The following SCYL2 variants were observed in gnomAD, a reference collection of about 807,000 sequenced individuals.
The protein encoded by SCYL2 is SCY1-like protein 2.
In SCYL2, 36 loss-of-function variants were observed where a neutral mutation model predicts 100.4. The ratio of observed to expected loss-of-function variants is 0.36; its 90% CI spans 0.27 to 0.47. SCYL2 has a LOEUF of 0.47. Ranked by LOEUF, SCYL2 falls within the 20% of genes least tolerant of loss-of-function variation. SCYL2 has a pLI of 1.00. For missense variants in SCYL2, 902 were observed against 1,083.9 expected, an observed-to-expected ratio of 0.83 and a Z score of 2.36; for synonymous variants, 330 against 359.2, an observed-to-expected ratio of 0.92 and a Z score of 0.92.
intron 8 of SCYL2, 32 bp downstream of exon 8, chr12:100,314,646 A>G: frequency 6.4e-7 from 1 of 1,559,704 alleles, no homozygotes; most frequent in Non-Finnish European, 8.7e-7. Flanking sequence ...ATTAATAATC[A>G]GGATTTTAGA....
intron 3 of SCYL2, among the ~76,000 whole-genome samples, chr12:100,294,140 G>A (rs1357822735): frequency 2.3e-5 from 3 of 129,690 alleles, no homozygotes; most frequent in African/African-American, 7.9e-5. Flanking sequence ...CGGACGGGGC[G>A]GCTGGCCGGG....
intron 4 of SCYL2, among the ~76,000 whole-genome samples, chr12:100,307,084 G>C (rs2096335428): frequency 6.6e-6 from 1 of 152,182 alleles, no homozygotes; most frequent in African/African-American, 2.4e-5. Context: ...GTAATTTGTA[G>C]ATTCAGTGCT....
At chr12:100,273,457 T>C (rs1192050111) in intron 1 of SCYL2, among the ~76,000 whole-genome samples, 2 of 152,186 alleles carry the variant, frequency 1.3e-5, no homozygotes, top group Non-Finnish European at 2.9e-5. Context: ...TTTTCATAGC[T>C]TATTTTTCAT....
chr12:100,314,743 C>A, intron 8 of SCYL2, 129 bp downstream of exon 8: 1 of 931,564 alleles, frequency 1.1e-6, no homozygotes, highest in Non-Finnish European at 1.6e-6. Flanking sequence ...CTATAAAACA[C>A]TGCCAACTGA....
In SCYL2 at chr12:100,281,019, G is replaced by GTTT. The variant is rs202048587; in HGVS notation, c.-28-1897_-28-1895dup. Among the ~76,000 whole-genome samples, 171 of 50,472 alleles carry GTTT rather than the reference G, an allele frequency of 3.4e-3. 27 individuals carry two copies. The highest frequency in any genetic ancestry group is 4.2e-3 in the Non-Finnish European group (101 of 24,110). The allele number at this position is 50,472 out of a possible 152,430, so 33.1% of individuals were successfully genotyped here. A position where few individuals can be genotyped will look rare whatever the true frequency, so the allele number is the denominator to read the frequency against. The stretch of plus-strand genomic sequence containing the variant: ...ATTTTATTGTCCCTTTACCATCAGT[G>GTTT]TTTTTTTTTTTTTTTTTTTTTTTTT... On this transcript the variant is annotated intron_variant, in intron 1 of 17. Transcript: ENST00000360820.
At chr12:100,330,950 T>C (rs566156611) in intron 13 of SCYL2, among the ~76,000 whole-genome samples, 3 of 151,320 alleles carry the variant, frequency 2.0e-5, no homozygotes, top group Non-Finnish European at 2.9e-5. Flanking sequence ...TGCCTCAGCC[T>C]CCTGAATACC....
chr12:100,271,332 A>G (rs2096287490), intron 1 of SCYL2, among the ~76,000 whole-genome samples: 1 of 151,882 alleles, frequency 6.6e-6, no homozygotes, highest in Non-Finnish European at 1.5e-5. Flanking sequence ...ACAAACAGGT[A>G]AGTACTGCAT....
chr12:100,303,802 C>T (rs1339636689), intron 4 of SCYL2, among the ~76,000 whole-genome samples: 1 of 152,152 alleles, frequency 6.6e-6, no homozygotes, highest in African/African-American at 2.4e-5. Flanking sequence ...GGGAGATCCG[C>T]TGCTCTCTTT....
At chr12:100,279,681 A>G (rs980147616) in intron 1 of SCYL2, among the ~76,000 whole-genome samples, 1 of 152,326 alleles carries the variant, frequency 6.6e-6, no homozygotes. Flanking sequence ...GGCTTACCCC[A>G]CTATTAAGGC....
At chr12:100,311,474 T>C (rs890101456) in intron 5 of SCYL2, among the ~76,000 whole-genome samples, 2 of 152,110 alleles carry the variant, frequency 1.3e-5, no homozygotes, top group African/African-American at 4.8e-5. Context: ...ATAACACATG[T>C]GACTCTCTAG....
intron 8 of SCYL2, among the ~76,000 whole-genome samples, chr12:100,315,328 T>A (rs903154612): frequency 6.6e-6 from 1 of 152,154 alleles, no homozygotes; most frequent in African/African-American, 2.4e-5. Flanking sequence ...TTCCTACAGG[T>A]AGGGTGACCG....
intron 4 of SCYL2, 47 bp from the exon 5 acceptor site, chr12:100,310,997 T>C: frequency 7.0e-7 from 1 of 1,420,000 alleles, no homozygotes; most frequent in Non-Finnish European, 9.3e-7. Context: ...TTTATTATAA[T>C]TGAAAGGAGT....
chr12:100,294,772 C>T (rs1381862701), intron 3 of SCYL2, among the ~76,000 whole-genome samples: 11 of 143,502 alleles, frequency 7.7e-5, no homozygotes, highest in Admixed American at 2.0e-4. Flanking sequence ...CCCTCCCGGA[C>T]GGGGCGGCTG....
chr12:100,312,575 T>C lies in SCYL2; in HGVS notation c.774T>C (p.Ala258=), dbSNP rs2096343515. 1 of 1,612,896 alleles carries C rather than the reference T, an allele frequency of 6.2e-7. No homozygotes were observed. Residue 258 remains alanine, a synonymous_variant, in exon 6 of 18, where the codon GCT becomes GCC. Coordinates refer to ENST00000360820, the MANE Select transcript of SCYL2 (RefSeq NM_017988.6). The part of the protein sequence containing the change: ...DMYSLGTVMY[A]VFNKGKPIFE... Reference sequence around the variant, plus strand: ...ATTCTTTAGGAACTGTTATGTATGCTGTATTTAATAAAGGGAAACCTATAT... The same window carrying C: ...ATTCTTTAGGAACTGTTATGTATGCCGTATTTAATAAAGGGAAACCTATAT...
chr12:100,288,170 A>G (rs2096306464), intron 2 of SCYL2, among the ~76,000 whole-genome samples: 1 of 152,240 alleles, frequency 6.6e-6, no homozygotes, highest in East Asian at 1.9e-4. Flanking sequence ...AACCTTGTTA[A>G]CATTGGTTAA....
intron 1 of SCYL2, among the ~76,000 whole-genome samples, chr12:100,276,459 A>G (rs1204735390): frequency 6.6e-6 from 1 of 152,078 alleles, no homozygotes; most frequent in African/African-American, 2.4e-5. Flanking sequence ...CAGCCTCCCA[A>G]GTAGCTGGGA....
chr12:100,277,095 C>CA (rs977803582), intron 1 of SCYL2, among the ~76,000 whole-genome samples: 1 of 152,054 alleles, frequency 6.6e-6, no homozygotes, highest in Non-Finnish European at 1.5e-5. Flanking sequence ...TTATTGTAGT[C>CA]AAAGAGAATC....
At chr12:100,283,297 T>C in intron 2 of SCYL2, 150 bp downstream of exon 2, 2 of 625,414 alleles carry the variant, frequency 3.2e-6, no homozygotes, top group Non-Finnish European at 5.4e-6. Flanking sequence ...TATTAAGTCA[T>C]ACAAAAAAAC....
intron 4 of SCYL2, among the ~76,000 whole-genome samples, chr12:100,301,006 AAT>A (rs2096326903): frequency 6.6e-6 from 1 of 152,162 alleles, no homozygotes; most frequent in Non-Finnish European, 1.5e-5. Context: ...TACTTTTGAG[AAT>A]ATACCTAGGA....
Sources: allele counts gnomAD v4.1 joint callset (sites outside exome capture counted in the v4.1 genomes callset), GRCh38; gene constraint gnomAD v4.1.1; transcripts MANE v1.5; gene names NCBI Gene and HGNC (gene_info 2026-07-23, HGNC 2026-07-21).